Variants in ADGRB3 observed in about 807,000 individuals in gnomAD.
ADGRB3 encodes the protein adhesion G protein-coupled receptor B3, also known as brain-specific angiogenesis inhibitor 3.
In ADGRB3, 37 loss-of-function variants were observed where a neutral mutation model predicts 193.4. That is an observed-to-expected ratio of 0.19 (90% CI 0.15 to 0.25). ADGRB3 has a LOEUF of 0.25. ADGRB3 is among the 10% of genes least tolerant of loss of function. ADGRB3 has a pLI of 1.00. For missense variants in ADGRB3, 1,637 were observed against 1,852.9 expected, an observed-to-expected ratio of 0.88 and a Z score of 2.14; for synonymous variants, 690 against 644.2, an observed-to-expected ratio of 1.07 and a Z score of -1.08.
chr6:68,997,652 TAAATAAATA>T (rs1423623545), intron 11 of ADGRB3, among the ~76,000 whole-genome samples: 2 of 11,308 alleles, frequency 1.8e-4, no homozygotes, highest in African/African-American at 9.7e-4. Flanking sequence ...CACTCTGTCT[TAAATAAATA>T]AATAAATAAA....
intron 20 of ADGRB3, among the ~76,000 whole-genome samples, chr6:69,297,368 T>TCTTTCTCTCTCTCTCTCTCTC (rs1767846054): frequency 1.0e-5 from 1 of 97,614 alleles, no homozygotes; most frequent in Non-Finnish European, 2.0e-5. Context: ...CTCTCTCTCT[T>TCTTTCTCTCTCTCTCTCTCTC]TCTCTCTCTC....
intron 20 of ADGRB3, among the ~76,000 whole-genome samples, chr6:69,254,936 C>T (rs1436754184): frequency 1.3e-5 from 2 of 148,578 alleles, no homozygotes; most frequent in African/African-American, 5.0e-5. Flanking sequence ...CAATTCCCAC[C>T]TATGAGTGAG....
chr6:69,144,074 G>T (rs1774416150), intron 17 of ADGRB3, among the ~76,000 whole-genome samples: 1 of 151,972 alleles, frequency 6.6e-6, no homozygotes, highest in Non-Finnish European at 1.5e-5. Flanking sequence ...ATGTTTTATA[G>T]TTTTCATTAT....
intron 17 of ADGRB3, among the ~76,000 whole-genome samples, chr6:69,211,048 G>A (rs561815745): frequency 6.6e-6 from 1 of 152,296 alleles, no homozygotes; most frequent in African/African-American, 2.4e-5. Flanking sequence ...CCTGAACCCG[G>A]GAGGCAGAGC....
intron 3 of ADGRB3, among the ~76,000 whole-genome samples, chr6:68,713,389 A>C (rs745426363): frequency 1.3e-5 from 2 of 151,732 alleles, no homozygotes; most frequent in African/African-American, 2.4e-5. Context: ...ATGCTTCTTA[A>C]TTCTTAGGCA....
chr6:69,111,799 A>G (rs1773373754), intron 17 of ADGRB3, among the ~76,000 whole-genome samples: 1 of 152,238 alleles, frequency 6.6e-6, no homozygotes, highest in African/African-American at 2.4e-5. Context: ...AAAACAATCA[A>G]ATACATGTGA....
intron 3 of ADGRB3, among the ~76,000 whole-genome samples, chr6:68,727,257 A>G (rs1414778331): frequency 6.6e-6 from 1 of 151,678 alleles, no homozygotes; most frequent in Non-Finnish European, 1.5e-5. Context: ...TCTGTGCAAC[A>G]AAAATCTAAT....
intron 17 of ADGRB3, among the ~76,000 whole-genome samples, chr6:69,089,526 T>A (rs1030399653): frequency 3.9e-5 from 6 of 152,182 alleles, no homozygotes; most frequent in African/African-American, 1.2e-4. Context: ...AGTAAATTAT[T>A]GATTCACTAA....
rs557062928 is a variant in ADGRB3, at chr6:69,243,692, A to G, written c.2814+4466A>G. Among the ~76,000 whole-genome samples, 13 of 152,106 alleles carry G rather than the reference A, an allele frequency of 8.5e-5. No homozygotes were observed. In the East Asian group the frequency reaches 2.5e-3, roughly 29 times the overall value. Reference sequence around the variant, plus strand: ...TCACCAATAAAGACTAATCTTTTATATTTAGTTTGATAATGAGTAAAGTGT... The same window carrying G: ...TCACCAATAAAGACTAATCTTTTATGTTTAGTTTGATAATGAGTAAAGTGT... On this transcript the variant is annotated intron_variant, in intron 20 of 31. Transcript: ENST00000370598.
At chr6:69,213,332 T>A (rs1174145045) in intron 17 of ADGRB3, among the ~76,000 whole-genome samples, 1 of 152,208 alleles carries the variant, frequency 6.6e-6, no homozygotes, top group Admixed American at 6.5e-5. Flanking sequence ...CCAAAGATGC[T>A]TTGTTCCAAA....
intron 3 of ADGRB3, among the ~76,000 whole-genome samples, chr6:68,708,083 A>G (rs1489532979): frequency 4.6e-5 from 7 of 152,172 alleles, no homozygotes; most frequent in African/African-American, 1.4e-4. Context: ...CAGAATTTCA[A>G]TTTGTACACT....
chr6:69,020,472 G>T (rs868293393), intron 13 of ADGRB3, among the ~76,000 whole-genome samples: 1 of 151,778 alleles, frequency 6.6e-6, no homozygotes, highest in African/African-American at 2.4e-5. Context: ...TGAAAATATT[G>T]TGTATTTTTT....
chr6:69,097,320 G>A (rs1423780384), intron 17 of ADGRB3, among the ~76,000 whole-genome samples: 1 of 152,160 alleles, frequency 6.6e-6, no homozygotes, highest in Non-Finnish European at 1.5e-5. Flanking sequence ...TAAGCCACAT[G>A]TCTTCACTTA....
At chr6:68,890,599 A>C (rs1053521435) in intron 3 of ADGRB3, among the ~76,000 whole-genome samples, 1 of 152,220 alleles carries the variant, frequency 6.6e-6, no homozygotes, top group Admixed American at 6.5e-5. Context: ...AAGGGATATA[A>C]ATTTGTGTAC....
chr6:68,921,006 G>C (rs989594375), intron 3 of ADGRB3, among the ~76,000 whole-genome samples: 1 of 151,882 alleles, frequency 6.6e-6, no homozygotes, highest in African/African-American at 2.4e-5. Flanking sequence ...AAAAATTAGG[G>C]TATAACACTT....
intron 26 of ADGRB3, among the ~76,000 whole-genome samples, chr6:69,349,620 A>T (rs531876370): frequency 6.6e-6 from 1 of 152,186 alleles, no homozygotes; most frequent in Admixed American, 6.6e-5. Flanking sequence ...GAATTTAATG[A>T]TTATGAAAAG....
chr6:69,330,218 A>C (rs999382398), intron 22 of ADGRB3, among the ~76,000 whole-genome samples: 31 of 152,354 alleles, frequency 2.0e-4, no homozygotes, highest in African/African-American at 7.0e-4. Context: ...ATGACAGTAA[A>C]TATAGAAACC....
At chr6:69,041,847 C>T (rs1771081335) in intron 13 of ADGRB3, among the ~76,000 whole-genome samples, 1 of 152,170 alleles carries the variant, frequency 6.6e-6, no homozygotes, top group African/African-American at 2.4e-5. Context: ...CTGCCTTGGC[C>T]TCCCAACATG....
chr6:69,046,285 C>G (rs1481289511), intron 13 of ADGRB3, among the ~76,000 whole-genome samples: 2 of 152,024 alleles, frequency 1.3e-5, no homozygotes, highest in Admixed American at 1.3e-4. Context: ...AATAACTTTC[C>G]TCTAAACCCC....
Sources: gnomAD v4.1 joint callset for allele counts (sites outside exome capture counted in the v4.1 genomes callset) on GRCh38, gnomAD v4.1.1 for gene constraint, MANE v1.5 for transcripts, NCBI Gene and HGNC (gene_info 2026-07-23, HGNC 2026-07-21) for gene names.